Variants in TYW1 observed in about 807,000 individuals in gnomAD.
TYW1 encodes tRNA-yW synthesizing protein 1 homolog, also known as S-adenosyl-L-methionine-dependent tRNA 4-demethylwyosine synthase TYW1.
TYW1 carries 46 observed loss-of-function variants against 96.2 expected under a neutral mutation model. That is an observed-to-expected ratio of 0.48 (90% CI 0.38 to 0.61). The LOEUF (loss-of-function observed/expected upper bound fraction) is 0.61. Ranked by LOEUF, TYW1 falls within the 20% of genes least tolerant of loss-of-function variation. The pLI is 0.00. For missense variants in TYW1, 684 were observed against 909.6 expected, an observed-to-expected ratio of 0.75 and a Z score of 3.19; for synonymous variants, 274 against 323.0, an observed-to-expected ratio of 0.85 and a Z score of 1.63.
intron 3 of TYW1, among the ~76,000 whole-genome samples, chr7:67,005,885 C>CA (rs968112963): frequency 6.3e-4 from 96 of 152,090 alleles, no homozygotes; most frequent in African/African-American, 2.2e-3. Flanking sequence ...TCCTTGGTTT[C>CA]TTTTTTTTCA....
At chr7:67,024,388 A>G (rs1794378735) in intron 6 of TYW1, among the ~76,000 whole-genome samples, 2 of 152,152 alleles carry the variant, frequency 1.3e-5, no homozygotes, top group Admixed American at 1.3e-4. Flanking sequence ...GCTGGTTTCA[A>G]ACTCCTGAGG....
At position 67,095,554 on chromosome 7, in the gene TYW1, A is replaced by C. The variant is rs1344098957; in HGVS notation, c.1385-2987A>C. Among the ~76,000 whole-genome samples the C allele has an allele frequency of 9.3e-5, 14 of 151,242 alleles. No homozygotes were observed. The South Asian group carries it at 1.0e-3, about 11-fold the overall frequency. On this transcript the variant is annotated intron_variant, in intron 11 of 15. Transcript: ENST00000359626. ...GCGCCTGTAATCCCAGATACTGAGG[A>C]GGCTGAGGCAGGAGAATTGCTTGAA...
At chr7:67,111,319 T>C (rs913972788) in intron 12 of TYW1, among the ~76,000 whole-genome samples, 8 of 152,094 alleles carry the variant, frequency 5.3e-5, no homozygotes, top group African/African-American at 1.9e-4. Flanking sequence ...TTCTCCTGCC[T>C]CAGCCTCCTG....
At chr7:67,221,668 G>T (rs1352554154) in intron 15 of TYW1, among the ~76,000 whole-genome samples, 1 of 151,474 alleles carries the variant, frequency 6.6e-6, no homozygotes, top group Non-Finnish European at 1.5e-5. Context: ...TATTCTCCTT[G>T]TGCTTACAAT....
intron 13 of TYW1, among the ~76,000 whole-genome samples, chr7:67,180,425 A>ATATATATATATTAT (rs1563058168): frequency 1.5e-5 from 1 of 68,636 alleles, no homozygotes; most frequent in African/African-American, 7.3e-5. Flanking sequence ...TATATATATA[A>ATATATATATATTAT]TTTTTTTTTT....
chr7:67,132,215 G>A (rs1405954401), intron 13 of TYW1, among the ~76,000 whole-genome samples: 1 of 149,648 alleles, frequency 6.7e-6, no homozygotes, highest in Non-Finnish European at 1.5e-5. Flanking sequence ...GACTCAAGCA[G>A]TCCTCCCACT....
At chr7:67,208,415 G>T (rs1444360466) in intron 15 of TYW1, among the ~76,000 whole-genome samples, 6 of 152,032 alleles carry the variant, frequency 3.9e-5, no homozygotes, top group Non-Finnish European at 7.4e-5. Flanking sequence ...ACAACCATCG[G>T]GCGCGGTGGC....
chr7:67,009,577 T>C lies in TYW1; in HGVS notation c.274-6T>C. The C allele has an allele frequency of 1.2e-6, 2 of 1,610,480 alleles. No individual in the cohort carries two copies. The highest frequency in any genetic ancestry group is 1.3e-5 in the African/African-American group (1 of 74,884). ...CTTTATTTGATGTTTTTTTTGGTCCTATTAGGGATTCGCAACAGTTCTTGC... is the reference window on the plus strand; with the variant it reads ...CTTTATTTGATGTTTTTTTTGGTCCCATTAGGGATTCGCAACAGTTCTTGC... On this transcript the variant is annotated splice_polypyrimidine_tract_variant and splice_region_variant and intron_variant, in intron 3 of 15. Transcript: ENST00000359626.
intron 6 of TYW1, among the ~76,000 whole-genome samples, chr7:67,021,313 ATC>A (rs1794260800): frequency 6.6e-6 from 1 of 152,262 alleles, no homozygotes; most frequent in African/African-American, 2.4e-5. Context: ...TCCGGCCCAC[ATC>A]TTTCTCTGCT....
chr7:67,123,500 G>A (rs1797821947), intron 13 of TYW1, among the ~76,000 whole-genome samples: 1 of 152,184 alleles, frequency 6.6e-6, no homozygotes, highest in Non-Finnish European at 1.5e-5. Context: ...TAAGTGTATT[G>A]CATCTTAGGT....
At chr7:67,061,367 A>G (rs563057497) in intron 9 of TYW1, among the ~76,000 whole-genome samples, 213 of 152,358 alleles carry the variant, frequency 1.4e-3, no homozygotes, top group South Asian at 6.4e-3. Flanking sequence ...AAAACAATGC[A>G]CGGGGCTACA....
At chr7:67,195,036 T>C in intron 14 of TYW1, 134 bp from the exon 15 acceptor site, 1 of 988,326 alleles carries the variant, frequency 1.0e-6, no homozygotes, top group East Asian at 2.6e-5. Flanking sequence ...ATCTCTATAT[T>C]CACTTCCTTC....
chr7:67,236,528 C>T (rs4718493), intron 15 of TYW1, among the ~76,000 whole-genome samples: 40,797 of 152,106 alleles, frequency 0.27, 5,837 homozygotes, highest in African/African-American at 0.36. Flanking sequence ...CTGGGAATGA[C>T]AGTGATTGCC....
chr7:67,179,865 A>ATATT lies in TYW1; in HGVS notation c.1699-3260_1699-3259insATTT, dbSNP rs1554386064. Among the ~76,000 whole-genome samples, 33 of 87,176 alleles carry ATATT rather than the reference A, an allele frequency of 3.8e-4. 3 individuals are homozygous for ATATT. The highest frequency in any genetic ancestry group is 7.5e-4 in the East Asian group (3 of 4,026). The allele number at this position is 87,176 out of a possible 152,430, so 57.2% of individuals were successfully genotyped here. On this transcript the variant is annotated intron_variant, in intron 13 of 15. Transcript: ENST00000359626. ...ATTAGGAATATATATATATATATATATTTTTTTTTTTTGGCGGGGGACAGG... is the reference window on the plus strand; with the variant it reads ...ATTAGGAATATATATATATATATATATATTTTTTTTTTTTTTGGCGGGGGACAGG...
At chr7:67,135,607 G>GT (rs68006255) in intron 13 of TYW1, among the ~76,000 whole-genome samples, 32,249 of 145,760 alleles carry the variant, frequency 0.22, 3,459 homozygotes, top group Admixed American at 0.3. Context: ...CCAGCCAACA[G>GT]TTTTTTTTTT....
At chr7:67,118,041 C>G (rs1158119915) in intron 13 of TYW1, among the ~76,000 whole-genome samples, 1 of 152,142 alleles carries the variant, frequency 6.6e-6, no homozygotes, top group Non-Finnish European at 1.5e-5. Context: ...ATCGCATAGG[C>G]CAAGCATGGT....
rs1219374462 is a variant in TYW1, at chr7:67,072,963, T to TTTTTTTTTTTTTTTTTTTG, written c.1274+5561_1274+5562insTTTTTTTTTTTTTTTTTGT. 1.3e-4 allele frequency among the ~76,000 whole-genome samples: 15 copies of TTTTTTTTTTTTTTTTTTTG among 118,684 alleles called. 3 individuals are homozygous for TTTTTTTTTTTTTTTTTTTG. Among genetic ancestry groups the TTTTTTTTTTTTTTTTTTTG allele is most frequent in the African/African-American group, 5.2e-4 (15 of 29,022 alleles). The allele number at this position is 118,684 out of a possible 152,430, so 77.9% of individuals were successfully genotyped here. On this transcript the variant is annotated intron_variant, in intron 10 of 15. Coordinates refer to ENST00000359626, the MANE Select transcript of TYW1 (RefSeq NM_018264.4). Reference sequence around the variant, plus strand: ...TTTTTTTTTTTTTTTTTTTTTTTTTTTATAGAGACAGGGTCTTGCTATGTT... The same window carrying TTTTTTTTTTTTTTTTTTTG: ...TTTTTTTTTTTTTTTTTTTTTTTTTTTTTTTTTTTTTTTTTTTTGTATAGAGACAGGGTCTTGCTATGTT...
intron 3 of TYW1, among the ~76,000 whole-genome samples, chr7:67,004,018 T>G (rs1185596957): frequency 1.3e-5 from 2 of 152,050 alleles, no homozygotes; most frequent in Non-Finnish European, 2.9e-5. Context: ...CACTCCAGTC[T>G]GGGGGACAGA....
At chr7:67,048,770 T>G (rs1409634683) in intron 7 of TYW1, among the ~76,000 whole-genome samples, 1 of 152,222 alleles carries the variant, frequency 6.6e-6, no homozygotes. Flanking sequence ...TTTCTATCAC[T>G]GAAGAAAAAT....
Sources: gnomAD v4.1 joint callset for allele counts (sites outside exome capture counted in the v4.1 genomes callset) on GRCh38, gnomAD v4.1.1 for gene constraint, MANE v1.5 for transcripts, NCBI Gene and HGNC (gene_info 2026-07-23, HGNC 2026-07-21) for gene names.